Variants in IMMP2L observed in about 807,000 individuals in gnomAD.
IMMP2L encodes the protein mitochondrial inner membrane protease subunit 2.
IMMP2L carries 18 observed loss-of-function variants against 19.3 expected under a neutral mutation model. That is an observed-to-expected ratio of 0.93 (90% CI 0.64 to 1.38). The LOEUF (loss-of-function observed/expected upper bound fraction) is 1.38. Among genes scored for constraint, IMMP2L ranks in the 40% most tolerant of loss-of-function variants. IMMP2L has a pLI of 0.00. For missense variants in IMMP2L, 233 were observed against 218.2 expected (o/e 1.07, Z -0.43); for synonymous variants, 76 against 73.0 (o/e 1.04, Z -0.21).
intron 3 of IMMP2L, among the ~76,000 whole-genome samples, chr7:111,134,340 C>T (rs1425899785): frequency 6.6e-6 from 1 of 151,900 alleles, no homozygotes; most frequent in Non-Finnish European, 1.5e-5. Flanking sequence ...GAACGTTGAA[C>T]TCAAAACTTA....
At chr7:111,546,950 T>C (rs12333497) in intron 1 of IMMP2L, among the ~76,000 whole-genome samples, 14,173 of 152,132 alleles carry the variant, frequency 0.093, 847 homozygotes, top group African/African-American at 0.15. Flanking sequence ...ATTAGTCTCA[T>C]TGGGGTACAG....
At chr7:111,002,104 G>A (rs997341964) in intron 3 of IMMP2L, among the ~76,000 whole-genome samples, 2 of 151,840 alleles carry the variant, frequency 1.3e-5, no homozygotes, top group South Asian at 2.1e-4. Flanking sequence ...TGAACTTCCT[G>A]ATACTATGAG....
chr7:111,190,453 A>G (rs1467304208), intron 3 of IMMP2L, among the ~76,000 whole-genome samples: 1 of 152,172 alleles, frequency 6.6e-6, no homozygotes, highest in Non-Finnish European at 1.5e-5. Flanking sequence ...TTTATTTTGC[A>G]TAAAATATAT....
chr7:110,891,040 T>C (rs142978639), intron 4 of IMMP2L, among the ~76,000 whole-genome samples: 151 of 152,128 alleles, frequency 9.9e-4, no homozygotes, highest in Non-Finnish European at 1.9e-3. Context: ...AAGGTATTCT[T>C]ATTTCTTTAT....
At chr7:111,038,503 T>G (rs1426876110) in intron 3 of IMMP2L, among the ~76,000 whole-genome samples, 1 of 152,078 alleles carries the variant, frequency 6.6e-6, no homozygotes, top group East Asian at 1.9e-4. Context: ...CTCACTAAAA[T>G]CAACTATGAT....
intron 3 of IMMP2L, among the ~76,000 whole-genome samples, chr7:111,202,672 A>G (rs1351118707): frequency 1.3e-5 from 2 of 152,214 alleles, no homozygotes; most frequent in African/African-American, 4.8e-5. Context: ...ATATTATCCA[A>G]GCAAAAAAGG....
intron 3 of IMMP2L, among the ~76,000 whole-genome samples, chr7:111,088,896 CCAGT>C (rs1796578336): frequency 6.6e-6 from 1 of 152,044 alleles, no homozygotes; most frequent in African/African-American, 2.4e-5. Context: ...GATAGAAATT[CCAGT>C]CAAAGAACAG....
chr7:111,355,926 T>C (rs1584774560), intron 3 of IMMP2L, among the ~76,000 whole-genome samples: 1 of 152,184 alleles, frequency 6.6e-6, no homozygotes, highest in East Asian at 1.9e-4. Flanking sequence ...GAAAACTTAA[T>C]GATTCTTAAA....
At chr7:110,799,205 G>A (rs899848362) in intron 5 of IMMP2L, among the ~76,000 whole-genome samples, 3 of 151,932 alleles carry the variant, frequency 2.0e-5, no homozygotes, top group African/African-American at 4.8e-5. Flanking sequence ...CTAGAGTATG[G>A]ACTCCTTCGC....
chr7:110,738,153 T>C (rs976526587), intron 5 of IMMP2L, among the ~76,000 whole-genome samples: 4 of 152,076 alleles, frequency 2.6e-5, no homozygotes, highest in African/African-American at 9.7e-5. Flanking sequence ...ACAAGGTTCT[T>C]TAACATGCCC....
intron 4 of IMMP2L, among the ~76,000 whole-genome samples, chr7:110,934,104 G>A (rs1345003390): frequency 6.6e-6 from 1 of 152,170 alleles, no homozygotes; most frequent in Non-Finnish European, 1.5e-5. Flanking sequence ...TTACCCAGTA[G>A]TCATTCAGGA....
intron 3 of IMMP2L, among the ~76,000 whole-genome samples, chr7:111,447,398 ATAT>A (rs2131864497): frequency 6.7e-6 from 1 of 149,762 alleles, no homozygotes; most frequent in South Asian, 2.1e-4. Context: ...GTGGGGGCCA[ATAT>A]TCAACATTCT....
intron 3 of IMMP2L, among the ~76,000 whole-genome samples, chr7:111,331,691 A>G (rs1457402436): frequency 1.3e-5 from 2 of 151,918 alleles, no homozygotes; most frequent in African/African-American, 4.8e-5. Context: ...ACAATTATAA[A>G]TTATCAATTT....
chr7:111,401,107 A>G (rs1484488521), intron 3 of IMMP2L, among the ~76,000 whole-genome samples: 4 of 152,146 alleles, frequency 2.6e-5, no homozygotes, highest in Non-Finnish European at 4.4e-5. Flanking sequence ...ATTTGAGAGC[A>G]TGTGGTGAGA....
chr7:110,984,827 G>A (rs1227819262), intron 3 of IMMP2L, among the ~76,000 whole-genome samples: 1 of 152,006 alleles, frequency 6.6e-6, no homozygotes, highest in African/African-American at 2.4e-5. Flanking sequence ...TTCAAAGATG[G>A]CCACATCCAA....
chr7:111,070,410 T>C (rs1321665620), intron 3 of IMMP2L, among the ~76,000 whole-genome samples: 2 of 152,094 alleles, frequency 1.3e-5, no homozygotes, highest in Admixed American at 6.5e-5. Flanking sequence ...ATTAATGGTA[T>C]ACAGAGAAAA....
intron 2 of IMMP2L, chr7:111,492,315 T>C: frequency 1.2e-6 from 1 of 821,028 alleles, no homozygotes. Flanking sequence ...CCCCCAAATA[T>C]ACTTCCCCTC....
intron 3 of IMMP2L, among the ~76,000 whole-genome samples, chr7:111,465,238 C>T (rs1233475116): frequency 6.6e-6 from 1 of 152,082 alleles, no homozygotes; most frequent in African/African-American, 2.4e-5. Flanking sequence ...TTGCTTACGA[C>T]GTATTTTTGA....
intron 4 of IMMP2L, among the ~76,000 whole-genome samples, chr7:110,920,954 G>GT (rs1814210923): frequency 6.6e-6 from 1 of 152,098 alleles, no homozygotes; most frequent in Non-Finnish European, 1.5e-5. Flanking sequence ...GATTTCATCA[G>GT]TTTTTCCTGT....
Sources: allele counts gnomAD v4.1 joint callset (sites outside exome capture counted in the v4.1 genomes callset), GRCh38; gene constraint gnomAD v4.1.1; transcripts MANE v1.5; gene names NCBI Gene and HGNC (gene_info 2026-07-23, HGNC 2026-07-21).